Variants in STK32C observed in about 807,000 individuals in gnomAD.
STK32C encodes the protein serine/threonine-protein kinase 32C.
STK32C carries 31 observed loss-of-function variants against 56.5 expected under a neutral mutation model. The ratio of observed to expected loss-of-function variants is 0.55; its 90% CI spans 0.41 to 0.74. The LOEUF (loss-of-function observed/expected upper bound fraction) is 0.74. STK32C is among the 30% of genes least tolerant of loss of function. The pLI is 0.00. For missense variants in STK32C, 544 were observed against 676.9 expected, an observed-to-expected ratio of 0.80 and a Z score of 2.18; for synonymous variants, 309 against 289.4, an observed-to-expected ratio of 1.07 and a Z score of -0.69.
In STK32C at chr10:132,263,995, T is replaced by C. The variant is rs1031596946; in HGVS notation, c.263-18040A>G. ...GAAGGCAGCCAGAGACAAGAGTTCA[T>C]GCATCATGTGACTCCGTCCCTGTGA... On this transcript the variant is annotated intron_variant, in intron 1 of 11. Coordinates refer to ENST00000298630, the MANE Select transcript of STK32C (RefSeq NM_173575.4). 2.0e-5 allele frequency among the ~76,000 whole-genome samples: 3 copies of C among 152,088 alleles called. No homozygotes were observed. The East Asian group carries it at 5.8e-4, about 29-fold the overall frequency.
chr10:132,245,628 C>T (rs2063661172), intron 2 of STK32C, among the ~76,000 whole-genome samples: 1 of 152,252 alleles, frequency 6.6e-6, no homozygotes, highest in Admixed American at 6.5e-5. Flanking sequence ...CTCTAGGCTC[C>T]AGTTCAGCCA....
chr10:132,221,396 A>G (rs1478039091), intron 10 of STK32C, among the ~76,000 whole-genome samples: 2 of 131,758 alleles, frequency 1.5e-5, no homozygotes, highest in African/African-American at 5.9e-5. Flanking sequence ...ACACACAACC[A>G]AAGCCAGCAC....
chr10:132,242,901 G>A (rs912516748), intron 2 of STK32C, among the ~76,000 whole-genome samples: 1 of 152,192 alleles, frequency 6.6e-6, no homozygotes, highest in Non-Finnish European at 1.5e-5. Flanking sequence ...CCAAAGAACA[G>A]GAAAACGCTG....
At chr10:132,315,277 T>A (rs1318288167) in intron 1 of STK32C, among the ~76,000 whole-genome samples, 1 of 151,032 alleles carries the variant, frequency 6.6e-6, no homozygotes, top group African/African-American at 2.4e-5. Flanking sequence ...TGAGAACACA[T>A]GGACACAGGG....
intron 10 of STK32C, among the ~76,000 whole-genome samples, chr10:132,211,683 C>A (rs2062304808): frequency 6.6e-6 from 1 of 152,212 alleles, no homozygotes; most frequent in East Asian, 1.9e-4. Flanking sequence ...TGGCTGGAAC[C>A]CTTTGCCAGC....
At chr10:132,269,659 C>T (rs1236444642) in intron 1 of STK32C, among the ~76,000 whole-genome samples, 1 of 152,254 alleles carries the variant, frequency 6.6e-6, no homozygotes, top group African/African-American at 2.4e-5. Flanking sequence ...AGACAGACCC[C>T]AGGCTGTCGC....
At chr10:132,251,353 C>T (rs1430197900) in intron 1 of STK32C, among the ~76,000 whole-genome samples, 1 of 152,214 alleles carries the variant, frequency 6.6e-6, no homozygotes, top group East Asian at 1.9e-4. Flanking sequence ...GCCCTGGTCA[C>T]CGAGGAAGCC....
intron 10 of STK32C, among the ~76,000 whole-genome samples, chr10:132,216,150 G>A (rs888198349): frequency 6.6e-5 from 10 of 152,158 alleles, no homozygotes; most frequent in African/African-American, 2.4e-4. Flanking sequence ...CAAAAAATTT[G>A]CAACCTGACA....
intron 1 of STK32C, among the ~76,000 whole-genome samples, chr10:132,277,295 G>A (rs1312884162): frequency 2.6e-5 from 4 of 152,156 alleles, no homozygotes; most frequent in Non-Finnish European, 4.4e-5. Flanking sequence ...CCAGCACCTG[G>A]ACTTCCCAAG....
At chr10:132,209,164 CAAGT>C (rs1246614015) in intron 10 of STK32C, 63 bp from the exon 11 acceptor site, 31 of 1,478,258 alleles carry the variant, frequency 2.1e-5, no homozygotes, top group African/African-American at 4.2e-5. Flanking sequence ...CATGTCCCCT[CAAGT>C]GAGTGTCTGG....
intron 1 of STK32C, among the ~76,000 whole-genome samples, chr10:132,265,327 C>A (rs1261157015): frequency 6.6e-6 from 1 of 152,216 alleles, no homozygotes; most frequent in African/African-American, 2.4e-5. Flanking sequence ...CCTTCGATGA[C>A]AGCCCCTGCT....
At chr10:132,220,109 A>T (rs2062588471) in intron 10 of STK32C, among the ~76,000 whole-genome samples, 1 of 152,228 alleles carries the variant, frequency 6.6e-6, no homozygotes, top group Admixed American at 6.5e-5. Flanking sequence ...ATGTGACCTC[A>T]TTTGGAAGTG....
chr10:132,234,826 G>T lies in STK32C; in HGVS notation c.319-6698C>A, dbSNP rs550091964. Among the ~76,000 whole-genome samples the T allele has an allele frequency of 6.8e-4, 104 of 152,348 alleles. 1 individual carries two copies. Among genetic ancestry groups the T allele is most frequent in the African/African-American group, 2.4e-3 (101 of 41,576 alleles). On this transcript the variant is annotated intron_variant, in intron 2 of 11. Coordinates refer to ENST00000298630, the MANE Select transcript of STK32C (RefSeq NM_173575.4). ...GTGTTGTTCAAAGCCTTGCACATGG[G>T]CTAATTTGTTACAGCAGCCATTGGA... is the stretch of plus-strand genomic sequence containing the variant.
At chr10:132,211,802 C>T (rs971411875) in intron 10 of STK32C, among the ~76,000 whole-genome samples, 1 of 152,164 alleles carries the variant, frequency 6.6e-6, no homozygotes, top group Non-Finnish European at 1.5e-5. Flanking sequence ...CCGCAAGTGA[C>T]GCTCCAGGTC....
rs891910680 is a variant in STK32C at position 132,307,940 on chromosome 10, T to C, written c.-107A>G. 2.8e-6 allele frequency: 3 copies of C among 1,056,422 alleles called. No individual in the cohort carries two copies. Among genetic ancestry groups the C allele is most frequent in the Non-Finnish European group, 3.4e-6 (3 of 879,632 alleles). 65.4% of individuals were successfully genotyped at this position (1,056,422 alleles called of 1,614,324 possible). A position where few individuals can be genotyped will look rare whatever the true frequency, so the allele number is the denominator to read the frequency against. On this transcript the variant is annotated 5_prime_UTR_variant, in exon 1 of 12. Transcript: ENST00000298630. This position sits in a 1 kb window ranked among gnomAD's most constrained non-coding sequence, Gnocchi z 4.4. ...CGCTCGGGGCCGGCAGCGCCCGCCG[T>C]GCGCTCTTCTGGGCGGTGGAACCCG...
chr10:132,312,838 G>A (rs1038632402), upstream of STK32C, among the ~76,000 whole-genome samples: 5 of 152,132 alleles, frequency 3.3e-5, no homozygotes, highest in African/African-American at 1.2e-4. Context: ...TCAGGAGTTC[G>A]AGACCAGCCT....
rs143574008 is a variant in STK32C, at chr10:132,274,809, C to T, written c.263-28854G>A. ...TCCACCCCCAAGTCACCTGTCGCTC[C>T]GCCGCACAGGCAGCCAGCAGGCGCC... On this transcript the variant is annotated intron_variant, in intron 1 of 11. Transcript: ENST00000298630. Among the ~76,000 whole-genome samples, 92 of 152,342 alleles carry T rather than the reference C, an allele frequency of 6.0e-4. No homozygotes were observed. The East Asian group carries it at 0.016, about 26-fold the overall frequency.
intron 11 of STK32C, 144 bp downstream of exon 11, chr10:132,208,890 T>G: frequency 1.4e-6 from 1 of 738,706 alleles, no homozygotes. Context: ...CTCCCCTCCA[T>G]AGCTGCTGCT....
At chr10:132,233,829 G>A (rs2063181380) in intron 2 of STK32C, among the ~76,000 whole-genome samples, 1 of 152,238 alleles carries the variant, frequency 6.6e-6, no homozygotes, top group Non-Finnish European at 1.5e-5. Flanking sequence ...ACATTGCCGT[G>A]GGGCTAAGGC....
Sources: gnomAD v4.1 joint callset for allele counts (sites outside exome capture counted in the v4.1 genomes callset) on GRCh38, gnomAD v4.1.1 for gene constraint, Gnocchi (gnomAD v3.1) non-coding constraint, MANE v1.5 for transcripts, NCBI Gene and HGNC (gene_info 2026-07-23, HGNC 2026-07-21) for gene names.